METTL25: variants seen among roughly 807,000 people sequenced by gnomAD.
METTL25 encodes the protein probable methyltransferase-like protein 25.
A neutral mutation model predicts 71.6 loss-of-function variants in METTL25; 64 were observed. The ratio of observed to expected loss-of-function variants is 0.89; its 90% CI spans 0.73 to 1.10. METTL25 has a LOEUF of 1.10. Ranked by LOEUF, METTL25 falls within the 50% of genes least tolerant of loss-of-function variation. The probability of loss-of-function intolerance (pLI) is 0.00; values close to 1 mark genes in which losing one functional copy is unlikely to be tolerated. For missense variants in METTL25, 807 were observed against 707.0 expected (o/e 1.14, Z -1.60); for synonymous variants, 287 against 250.3 (o/e 1.15, Z -1.38).
intron 9 of METTL25, among the ~76,000 whole-genome samples, chr12:82,466,858 G>T (rs1206405046): frequency 6.6e-6 from 1 of 151,776 alleles, no homozygotes; most frequent in Non-Finnish European, 1.5e-5. Flanking sequence ...TCTCTTTATA[G>T]CTATTGGCTT....
chr12:82,466,413 CTT>C (rs1327420088), intron 9 of METTL25, among the ~76,000 whole-genome samples: 4 of 150,058 alleles, frequency 2.7e-5, no homozygotes, highest in African/African-American at 9.8e-5. Flanking sequence ...GAATTTTCCT[CTT>C]GTTATTGATG....
intron 1 of METTL25, among the ~76,000 whole-genome samples, chr12:82,385,454 G>A (rs1002196219): frequency 3.3e-5 from 5 of 152,134 alleles, no homozygotes; most frequent in African/African-American, 4.8e-5. Flanking sequence ...TGAGGTGAAC[G>A]TTTTGCATAC....
At chr12:82,371,233 T>G (rs1883197887) in intron 1 of METTL25, among the ~76,000 whole-genome samples, 1 of 152,184 alleles carries the variant, frequency 6.6e-6, no homozygotes, top group African/African-American at 2.4e-5. Flanking sequence ...CCCTCAATTG[T>G]TAAAAGTACC....
chr12:82,408,664 T>A (rs1481610034), intron 5 of METTL25, among the ~76,000 whole-genome samples: 1 of 151,580 alleles, frequency 6.6e-6, no homozygotes, highest in Non-Finnish European at 1.5e-5. Context: ...TTCTGGGCTA[T>A]TTAGCAGAAA....
In METTL25 at chr12:82,386,967, G is replaced by C. The variant is rs762048844; in HGVS notation, c.424G>C (p.Gly142Arg). The C allele has an allele frequency of 2.5e-6, 4 of 1,611,336 alleles. No homozygotes were observed. The highest frequency in any genetic ancestry group is 3.4e-6 in the Non-Finnish European group (4 of 1,178,510). ...TCGAGGAAATCAAAACCAGAGAATT[G>C]GTATGTCTATTTATGTGTGTGTATG... Reference protein sequence around the residue: ...ALRGNQNQRIGENQKAVEFMN... With the variant: ...ALRGNQNQRIRENQKAVEFMN... The change falls in exon 2 of 12, where the codon GGT becomes CGT. Residue 142 changes from glycine (G) to arginine (R), a missense_variant and splice_region_variant. Physicochemically the swap from Gly to Arg is moderately radical, Grantham distance 125. Transcript: ENST00000248306.
chr12:82,433,598 A>G (rs1889693341), intron 6 of METTL25, among the ~76,000 whole-genome samples: 1 of 151,650 alleles, frequency 6.6e-6, no homozygotes, highest in Non-Finnish European at 1.5e-5. Context: ...TTCAAATAAC[A>G]GGTTTTTAGT....
chr12:82,399,637 C>G (rs1001733225), intron 4 of METTL25, among the ~76,000 whole-genome samples: 1 of 152,038 alleles, frequency 6.6e-6, no homozygotes, highest in African/African-American at 2.4e-5. Context: ...GGCACAAAAG[C>G]TAGTAAGTAA....
At chr12:82,473,675 C>G (rs1892699890) in intron 9 of METTL25, among the ~76,000 whole-genome samples, 1 of 152,168 alleles carries the variant, frequency 6.6e-6, no homozygotes, top group Non-Finnish European at 1.5e-5. Flanking sequence ...TATACTTCAC[C>G]TGGCCTCAGA....
At chr12:82,365,269 AG>A (rs1399406298) in intron 1 of METTL25, among the ~76,000 whole-genome samples, 1 of 152,206 alleles carries the variant, frequency 6.6e-6, no homozygotes, top group African/African-American at 2.4e-5. Flanking sequence ...ATTTATTTGA[AG>A]AGACACAAAT....
chr12:82,416,068 G>A (rs141884047), intron 5 of METTL25, among the ~76,000 whole-genome samples: 1 of 152,062 alleles, frequency 6.6e-6, no homozygotes, highest in African/African-American at 2.4e-5. Flanking sequence ...TTACAGTCTG[G>A]TGAAGGCAGA....
intron 5 of METTL25, among the ~76,000 whole-genome samples, chr12:82,414,788 G>C (rs1035863839): frequency 2.0e-5 from 3 of 151,944 alleles, no homozygotes; most frequent in Non-Finnish European, 4.4e-5. Flanking sequence ...TTTTGATACT[G>C]TAGCTAAGCA....
At chr12:82,443,158 C>T (rs1368921938) in intron 8 of METTL25, among the ~76,000 whole-genome samples, 1 of 151,704 alleles carries the variant, frequency 6.6e-6, no homozygotes, top group East Asian at 1.9e-4. Flanking sequence ...TCAATCCTGA[C>T]AAAAAGATAT....
rs1366323810 is a variant in METTL25, at chr12:82,438,180, T to C, written c.1405-538T>C. Among the ~76,000 whole-genome samples, 11 of 151,712 alleles carry C rather than the reference T, an allele frequency of 7.3e-5. No homozygotes were observed. In the Admixed American group the frequency reaches 7.3e-4, roughly 10 times the overall value. The stretch of plus-strand genomic sequence containing the variant: ...CAAGAGTGCAATCTCTTATCCTATG[T>C]TCTTTCCAAGGCTCTACTTTTCAAC... On this transcript the variant is annotated intron_variant, in intron 7 of 11. Transcript: ENST00000248306.
rs546855728 is a variant in METTL25 at position 82,444,809 on chromosome 12, A to C, written c.1478+6018A>C. On this transcript the variant is annotated intron_variant, in intron 8 of 11. Coordinates refer to ENST00000248306, the MANE Select transcript of METTL25 (RefSeq NM_032230.3). ...AAAAAAACAAGACCCAGCCATTCTTACATGCTACCTACAGGAAGCTCACTG... is the reference window on the plus strand; with the variant it reads ...AAAAAAACAAGACCCAGCCATTCTTCCATGCTACCTACAGGAAGCTCACTG... 5.2e-4 allele frequency among the ~76,000 whole-genome samples: 79 copies of C among 152,258 alleles called. 2 individuals carry two copies. The South Asian group carries it at 0.015, about 30-fold the overall frequency.
chr12:82,439,005 T>C (rs1482569229), intron 8 of METTL25: 2 of 337,912 alleles, frequency 5.9e-6, no homozygotes, highest in Non-Finnish European at 1.1e-5. Context: ...TGAAAGCTTG[T>C]TGTAATGATA....
intron 1 of METTL25, among the ~76,000 whole-genome samples, chr12:82,371,384 G>A (rs1883214693): frequency 6.6e-6 from 1 of 152,138 alleles, no homozygotes; most frequent in African/African-American, 2.4e-5. Context: ...GATTGCCTTG[G>A]CATAGTGGAC....
intron 8 of METTL25, among the ~76,000 whole-genome samples, chr12:82,446,019 T>TCGGCACCCCTAATCCCCA (rs1410723800): frequency 6.6e-6 from 1 of 152,156 alleles, no homozygotes; most frequent in Non-Finnish European, 1.5e-5. Flanking sequence ...AATCCCCATG[T>TCGGCACCCCTAATCCCCA]TGTTTAAGGG....
chr12:82,449,091 A>C (rs1890953164), intron 8 of METTL25, among the ~76,000 whole-genome samples: 1 of 152,138 alleles, frequency 6.6e-6, no homozygotes, highest in Non-Finnish European at 1.5e-5. Flanking sequence ...GTGTTGTTGG[A>C]TTCACTTGAG....
At chr12:82,399,459 C>A in intron 4 of METTL25, 65 bp downstream of exon 4, 1 of 1,230,406 alleles carries the variant, frequency 8.1e-7, no homozygotes. Context: ...TTAATAGTAG[C>A]TTACTTAACA....
Sources: gnomAD v4.1 joint callset for allele counts (sites outside exome capture counted in the v4.1 genomes callset) on GRCh38, gnomAD v4.1.1 for gene constraint, MANE v1.5 for transcripts, NCBI Gene and HGNC (gene_info 2026-07-23, HGNC 2026-07-21) for gene names.